Variants in COG5 observed in about 807,000 individuals in gnomAD.
COG5 encodes the protein component of oligomeric golgi complex 5.
COG5 carries 86 observed loss-of-function variants against 110.4 expected under a neutral mutation model. The observed-to-expected ratio is 0.78, with a 90% confidence interval of 0.65 to 0.93. COG5 has a LOEUF of 0.93. COG5 is among the 40% of genes least tolerant of loss of function. The pLI is 0.00. For missense variants in COG5, 1,077 were observed against 987.0 expected (o/e 1.09, Z -1.22); for synonymous variants, 360 against 334.6 (o/e 1.08, Z -0.83).
intron 6 of COG5, among the ~76,000 whole-genome samples, chr7:107,492,168 A>AGTGTGT (rs61526384): frequency 0.13 from 18,028 of 141,606 alleles, 1,138 homozygotes; most frequent in East Asian, 0.17. Flanking sequence ...AACAATGGGT[A>AGTGTGT]GTGTGTGTGT....
intron 13 of COG5, among the ~76,000 whole-genome samples, chr7:107,282,083 T>C (rs1003548116): frequency 2.0e-5 from 3 of 151,380 alleles, no homozygotes; most frequent in East Asian, 1.9e-4. Flanking sequence ...GAAACCCATA[T>C]ACAGATGGAA....
At chr7:107,216,459 G>A (rs990184244) in intron 19 of COG5, among the ~76,000 whole-genome samples, 3 of 152,190 alleles carry the variant, frequency 2.0e-5, no homozygotes, top group Non-Finnish European at 2.9e-5. Context: ...GTCTTCTCAA[G>A]TGCACACGTA....
intron 12 of COG5, among the ~76,000 whole-genome samples, chr7:107,286,859 G>C (rs1156472315): frequency 6.6e-6 from 1 of 151,796 alleles, no homozygotes; most frequent in Non-Finnish European, 1.5e-5. Context: ...TTCTTACACA[G>C]ATCTGATCGC....
intron 17 of COG5, 133 bp from the exon 18 acceptor site, chr7:107,236,820 A>T: frequency 1.4e-6 from 1 of 717,734 alleles, no homozygotes; most frequent in Non-Finnish European, 2.5e-6. Context: ...AAAAGACATT[A>T]ATTACTTTTT....
intron 10 of COG5, among the ~76,000 whole-genome samples, chr7:107,346,042 G>A (rs1300338025): frequency 6.6e-6 from 1 of 152,082 alleles, no homozygotes; most frequent in African/African-American, 2.4e-5. Context: ...CTTAAAAAAA[G>A]TAGTTTTAGT....
At chr7:107,333,160 C>T (rs989986717) in intron 10 of COG5, among the ~76,000 whole-genome samples, 7 of 151,990 alleles carry the variant, frequency 4.6e-5, no homozygotes, top group African/African-American at 1.4e-4. Flanking sequence ...GGAAGCCTGC[C>T]GATTTGATCA....
At chr7:107,418,011 T>A (rs1793007074) in intron 6 of COG5, among the ~76,000 whole-genome samples, 1 of 152,180 alleles carries the variant, frequency 6.6e-6, no homozygotes. Context: ...TAAAATTATC[T>A]AAAAAGCTCC....
At chr7:107,483,188 C>T (rs1584881255) in intron 6 of COG5, among the ~76,000 whole-genome samples, 1 of 152,150 alleles carries the variant, frequency 6.6e-6, no homozygotes, top group South Asian at 2.1e-4. Context: ...TTAGGTAACA[C>T]TGATACTTGA....
chr7:107,464,039 T>C (rs753292950), intron 6 of COG5, among the ~76,000 whole-genome samples: 1 of 152,070 alleles, frequency 6.6e-6, no homozygotes, highest in Non-Finnish European at 1.5e-5. Context: ...TCTCCCTCCC[T>C]AAGGTTCCCT....
At chr7:107,419,186 A>C (rs1793095692) in intron 6 of COG5, among the ~76,000 whole-genome samples, 1 of 152,170 alleles carries the variant, frequency 6.6e-6, no homozygotes, top group South Asian at 2.1e-4. Flanking sequence ...ATAAGGCAAA[A>C]ATTTTAAAGT....
At chr7:107,544,028 C>T (rs13234471) in intron 5 of COG5, among the ~76,000 whole-genome samples, 483 of 152,266 alleles carry the variant, frequency 3.2e-3, no homozygotes, top group Non-Finnish European at 4.2e-3. Flanking sequence ...ACTCACTCAC[C>T]CAGCCTCTAG....
At chr7:107,305,041 A>C (rs1419096382) in intron 11 of COG5, among the ~76,000 whole-genome samples, 1 of 152,222 alleles carries the variant, frequency 6.6e-6, no homozygotes, top group East Asian at 1.9e-4. Flanking sequence ...CTTGAAGAAA[A>C]ATAAAGCAAG....
intron 10 of COG5, among the ~76,000 whole-genome samples, chr7:107,340,121 G>A (rs1314260717): frequency 6.6e-6 from 1 of 151,868 alleles, no homozygotes; most frequent in Admixed American, 6.6e-5. Context: ...AAGGCTGATA[G>A]ACCACTAGCT....
At chr7:107,215,884 T>C (rs1334579950) in intron 19 of COG5, among the ~76,000 whole-genome samples, 9 of 151,908 alleles carry the variant, frequency 5.9e-5, no homozygotes, top group Non-Finnish European at 8.8e-5. Flanking sequence ...TAATTTTTTA[T>C]ATTTTTAGTA....
At chr7:107,218,884 A>G (rs1169426659) in intron 19 of COG5, among the ~76,000 whole-genome samples, 1 of 152,134 alleles carries the variant, frequency 6.6e-6, no homozygotes, top group Non-Finnish European at 1.5e-5. Flanking sequence ...TAAAGTAAAA[A>G]GCTTCTGCAC....
intron 5 of COG5, among the ~76,000 whole-genome samples, chr7:107,538,346 A>G (rs1446674914): frequency 1.3e-5 from 2 of 152,184 alleles, no homozygotes; most frequent in Admixed American, 1.3e-4. Context: ...TTCATGCCCT[A>G]TGTAAATTAG....
chr7:107,378,053 A>G (rs1814778244), intron 7 of COG5, among the ~76,000 whole-genome samples: 1 of 152,192 alleles, frequency 6.6e-6, no homozygotes. Context: ...CCCCTCTGGG[A>G]CGAAGCTTTC....
At chr7:107,211,562 T>C (rs1799179089) in intron 19 of COG5, among the ~76,000 whole-genome samples, 1 of 152,222 alleles carries the variant, frequency 6.6e-6, no homozygotes, top group African/African-American at 2.4e-5. Context: ...AGCCTTCAAG[T>C]AGTTGTTATT....
chr7:107,244,374 C>G (rs548909904), intron 17 of COG5, among the ~76,000 whole-genome samples: 4 of 151,988 alleles, frequency 2.6e-5, no homozygotes, highest in Non-Finnish European at 5.9e-5. Context: ...CATCAAAAAG[C>G]CAAAAAATCT....
Sources: gnomAD v4.1 joint callset for allele counts (sites outside exome capture counted in the v4.1 genomes callset) on GRCh38, gnomAD v4.1.1 for gene constraint, MANE v1.5 for transcripts, NCBI Gene and HGNC (gene_info 2026-07-23, HGNC 2026-07-21) for gene names.